OR10A6: variants seen among roughly 807,000 people sequenced by gnomAD.
OR10A6 encodes the protein olfactory receptor family 10 subfamily A member 6 (gene/pseudogene).
A neutral mutation model predicts 1.5 loss-of-function variants in OR10A6; 2 were observed. The ratio of observed to expected loss-of-function variants is 1.31; its 90% CI spans 0.54 to 4.13. The LOEUF (loss-of-function observed/expected upper bound fraction) is 4.13, where lower values mean the gene tolerates loss of function less well. Ranked by LOEUF, OR10A6 falls within the 30% of genes most tolerant of loss-of-function variation. OR10A6 has a pLI of 0.07. For missense variants in OR10A6, 492 were observed against 368.6 expected, an observed-to-expected ratio of 1.33 and a Z score of -2.74; for synonymous variants, 169 against 137.3, an observed-to-expected ratio of 1.23 and a Z score of -1.61.
In OR10A6 at chr11:7,929,912, T is replaced by C. The variant is rs1046427901; in HGVS notation, c.-1250A>G. ...ATTTATATAAATATAAACAGATTAA[T>C]ATTTTATATATATTATATATATATA... On this transcript the variant is annotated 5_prime_UTR_variant, in exon 4 of 4. In the 5' UTR this introduces an upstream ATG that the reference lacks. Transcript: ENST00000641238. 1.5e-5 allele frequency: 2 copies of C among 136,844 alleles called. No homozygotes were observed. The highest frequency in any genetic ancestry group is 1.5e-4 in the Admixed American group (2 of 13,062). 8.5% of individuals were successfully genotyped at this position (136,844 alleles called of 1,614,324 possible). A position where few individuals can be genotyped will look rare whatever the true frequency, so the allele number is the denominator to read the frequency against.
rs879297888 is a variant in OR10A6 at position 7,926,987 on chromosome 11, A to G, written c.*731T>C. 6 of 152,210 alleles carry G rather than the reference A, an allele frequency of 3.9e-5. No homozygotes were observed. Among genetic ancestry groups the G allele is most frequent in the African/African-American group, 9.6e-5 (4 of 41,468 alleles). The allele number at this position is 152,210 out of a possible 1,614,324, so 9.4% of individuals were successfully genotyped here. On this transcript the variant is annotated 3_prime_UTR_variant, in exon 4 of 4. Coordinates refer to ENST00000641238, the MANE Select transcript of OR10A6 (RefSeq NM_001004461.2). ...GACCAAGTTTCAAAAAATATAGTTT[A>G]TAAGTGGAAAGGACAGCCGTACTTT...
rs937880220 is a variant in OR10A6, at chr11:7,931,001, C to A, written c.-1897G>T. On this transcript the variant is annotated 5_prime_UTR_variant, in exon 2 of 4. Transcript: ENST00000641238. ...AAAGCACTTACACTTCTACTTATTG[C>A]CCGAACCTTTCTCTGAAAAGAAAAA... 1.3e-5 allele frequency: 2 copies of A among 152,074 alleles called. No individual in the cohort carries two copies. Among genetic ancestry groups the A allele is most frequent in the African/African-American group, 2.4e-5 (1 of 41,402 alleles). 9.4% of individuals were successfully genotyped at this position (152,074 alleles called of 1,614,324 possible).
chr11:7,928,491 G>A lies in OR10A6; in HGVS notation c.172C>T (p.Pro58Ser), dbSNP rs750978572. ...IVSLDQSLHV[P>S]MYLFLLNLSV... Reference sequence around the variant, plus strand: ...AAGTTCAGGAGAAACAGGTACATGGGAACGTGGAGGCTCTGGTCTAGGGAG... The same window carrying A: ...AAGTTCAGGAGAAACAGGTACATGGAAACGTGGAGGCTCTGGTCTAGGGAG... The change falls in exon 4 of 4, where the codon CCC becomes TCC. Residue 58 changes from proline to serine, a missense_variant. By Grantham distance (74) the Pro-to-Ser change is moderately conservative (BLOSUM62 -1). Transcript: ENST00000641238. 3 of 1,613,902 alleles carry A rather than the reference G, an allele frequency of 1.9e-6. No individual in the cohort carries two copies. The highest frequency in any genetic ancestry group is 1.7e-6 in the Non-Finnish European group (2 of 1,179,900).
rs140436670 is a variant in OR10A6 at position 7,928,090 on chromosome 11, G to A, written c.573C>T (p.Asp191=). The A allele has an allele frequency of 3.7e-6, 6 of 1,613,796 alleles. No homozygotes were observed. In the African/African-American group the frequency reaches 8.0e-5, roughly 22 times the overall value. ...TPAVLELACA[D]TFLFEIYAFT... ...ATGCATAGATTTCAAACAAAAACGT[G>A]TCTGCACATGCAAGTTCTAACACTG... Residue 191 remains aspartate (D), a synonymous_variant, in exon 4 of 4, where the codon GAC becomes GAT. Transcript: ENST00000641238.
rs1859437985 is a variant in OR10A6 at position 7,927,767 on chromosome 11, C to G, written c.896G>C (p.Arg299Thr). 1 of 1,613,844 alleles carries G rather than the reference C, an allele frequency of 6.2e-7. No individual in the cohort carries two copies. Residue 299 changes from arginine to threonine, a missense_variant, in exon 4 of 4, where the codon AGG (arginine) becomes ACG (threonine). Physicochemically the swap from Arg to Thr is moderately conservative, Grantham distance 71. Coordinates refer to ENST00000641238, the MANE Select transcript of OR10A6 (RefSeq NM_001004461.2). ...IYSLRNSEMK[R>T]ALMKLWRRRV... ...CCTTCGCCATAATTTCATCAAAGCC[C>G]TCTTCATCTCACTATTTCGCAAACT...
chr11:7,927,643 ATGAATCTAAATTTATTAAATTTAGAT>A lies in OR10A6; in HGVS notation c.*49_*74del, dbSNP rs2133606009. On this transcript the variant is annotated 3_prime_UTR_variant, in exon 4 of 4. Coordinates refer to ENST00000641238, the MANE Select transcript of OR10A6 (RefSeq NM_001004461.2). Reference sequence around the variant, plus strand: ...ACTCATGCCAAAAAATGCAAACTTAATGAATCTAAATTTATTAAATTTAGATTGAATACAGTCATGCAGTGACTAAA... The same window carrying A: ...ACTCATGCCAAAAAATGCAAACTTAATGAATACAGTCATGCAGTGACTAAA... The A allele has an allele frequency of 9.6e-7, 1 of 1,043,930 alleles. No homozygotes were observed. The highest frequency in any genetic ancestry group is 2.5e-5 in the East Asian group (1 of 39,738). The allele number at this position is 1,043,930 out of a possible 1,614,324, so 64.7% of individuals were successfully genotyped here.
rs1484449939 is a variant in OR10A6 at position 7,928,983 on chromosome 11, C to G, written c.-321G>C. 2 of 238,244 alleles carry G rather than the reference C, an allele frequency of 8.4e-6. No individual in the cohort carries two copies. Among genetic ancestry groups the G allele is most frequent in the East Asian group, 1.7e-4 (2 of 11,810 alleles). 14.8% of individuals were successfully genotyped at this position (238,244 alleles called of 1,614,324 possible). On this transcript the variant is annotated 5_prime_UTR_variant, in exon 4 of 4. An upstream start codon of the reference 5' UTR is lost. Coordinates refer to ENST00000641238, the MANE Select transcript of OR10A6 (RefSeq NM_001004461.2). ...TACTTTATACCTTAGGTTCCAATCC[C>G]ATAACATTGGTGCAAGTGTTCTTTA...
rs1389529918 is a variant in OR10A6, at chr11:7,925,454, A to G, written c.*2264T>C. The G allele has an allele frequency of 6.6e-6, 1 of 152,202 alleles. No homozygotes were observed. 9.4% of individuals were successfully genotyped at this position (152,202 alleles called of 1,614,324 possible). ...GGCTTTATTTATCACAAAGGCAATGAAAGAGGAAAGCGTCAAATATAGTAA... is the reference window on the plus strand; with the variant it reads ...GGCTTTATTTATCACAAAGGCAATGGAAGAGGAAAGCGTCAAATATAGTAA... On this transcript the variant is annotated 3_prime_UTR_variant, in exon 4 of 4. Transcript: ENST00000641238.
chr11:7,924,857 G>T lies in OR10A6; in HGVS notation c.*2861C>A, dbSNP rs1859365287. ...ATGGCTTGTTTCAGGTAGAAGGAAG[G>T]AGGAGGTTGAAGAGCAAAAAGTCCT... is the stretch of plus-strand genomic sequence containing the variant. On this transcript the variant is annotated 3_prime_UTR_variant, in exon 4 of 4. Transcript: ENST00000641238. The T allele has an allele frequency of 6.6e-6, 1 of 152,156 alleles. No individual in the cohort carries two copies. The highest frequency in any genetic ancestry group is 1.5e-5 in the Non-Finnish European group (1 of 68,050). The allele number at this position is 152,156 out of a possible 1,614,324, so 9.4% of individuals were successfully genotyped here. A position where few individuals can be genotyped will look rare whatever the true frequency, so the allele number is the denominator to read the frequency against.
In OR10A6 at chr11:7,925,584, GA is replaced by G. The variant is rs1297574750; in HGVS notation, c.*2133del. The G allele has an allele frequency of 2.6e-5, 4 of 151,820 alleles. No individual in the cohort carries two copies. The highest frequency in any genetic ancestry group is 3.9e-4 in the East Asian group (2 of 5,176). The allele number at this position is 151,820 out of a possible 1,614,324, so 9.4% of individuals were successfully genotyped here. A position where few individuals can be genotyped will look rare whatever the true frequency, so the allele number is the denominator to read the frequency against. On this transcript the variant is annotated 3_prime_UTR_variant, in exon 4 of 4. Coordinates refer to ENST00000641238, the MANE Select transcript of OR10A6 (RefSeq NM_001004461.2). ...CATTTTTATAAAGAATTTTTTTTAA[GA>G]AAAAAATTGGTTTACAGAATCAATG...
At position 7,927,264 on chromosome 11, in the gene OR10A6, A is replaced by T. The variant is rs1303200355; in HGVS notation, c.*454T>A. 6.5e-6 allele frequency: 1 copy of T among 153,562 alleles called. No homozygotes were observed. The highest frequency in any genetic ancestry group is 2.4e-5 in the African/African-American group (1 of 41,478). 9.5% of individuals were successfully genotyped at this position (153,562 alleles called of 1,614,324 possible). On this transcript the variant is annotated 3_prime_UTR_variant, in exon 4 of 4. Coordinates refer to ENST00000641238, the MANE Select transcript of OR10A6 (RefSeq NM_001004461.2). The stretch of plus-strand genomic sequence containing the variant: ...GCATACAACATAGTAGAGGGATAGG[A>T]TGGGTGCTCAGGTCAGTCTGAAGTT...
At position 7,929,345 on chromosome 11, in the gene OR10A6, G is replaced by A. The variant is rs1158969607; in HGVS notation, c.-683C>T. Reference sequence around the variant, plus strand: ...CAATTATATTGGGATTTACCTGGATGTGAAGTTTTTGGGGCCAGATCTCCA... The same window carrying A: ...CAATTATATTGGGATTTACCTGGATATGAAGTTTTTGGGGCCAGATCTCCA... On this transcript the variant is annotated 5_prime_UTR_variant, in exon 4 of 4. Transcript: ENST00000641238. 2.0e-5 allele frequency: 3 copies of A among 152,228 alleles called. No individual in the cohort carries two copies. Among genetic ancestry groups the A allele is most frequent in the Non-Finnish European group, 4.4e-5 (3 of 68,014 alleles). The allele number at this position is 152,228 out of a possible 1,614,324, so 9.4% of individuals were successfully genotyped here.
At position 7,928,156 on chromosome 11, in the gene OR10A6, A is replaced by C. The variant is rs780226036; in HGVS notation, c.507T>G (p.Cys169Trp). 1.2e-6 allele frequency: 2 copies of C among 1,613,962 alleles called. No individual in the cohort carries two copies. Among genetic ancestry groups the C allele is most frequent in the Non-Finnish European group, 1.7e-6 (2 of 1,179,920 alleles). ...QTSWVSSFPF[C>W]GLNEINHISC... ...ATATATGGTTAATTTCATTAAGGCC[A>C]CAAAAGGGAAAACTAGATACCCATG... Residue 169 changes from cysteine to tryptophan, a missense_variant, in exon 4 of 4, where the codon TGT becomes TGG. Transcript: ENST00000641238.
Position 7,929,925 on chromosome 11 carries a change from TTATA to T in OR10A6, c.-1267_-1264del, listed in dbSNP as rs1212262348. On this transcript the variant is annotated 5_prime_UTR_variant, in exon 4 of 4. Coordinates refer to ENST00000641238, the MANE Select transcript of OR10A6 (RefSeq NM_001004461.2). ...TAAACAGATTAATATTTTATATATA[TTATA>T]TATATATAAGCTCTAGTAAGGTATG... 1 of 132,758 alleles carries T rather than the reference TTATA, an allele frequency of 7.5e-6. No individual in the cohort carries two copies. The highest frequency in any genetic ancestry group is 2.8e-5 in the African/African-American group (1 of 35,668). The allele number at this position is 132,758 out of a possible 1,614,324, so 8.2% of individuals were successfully genotyped here.
rs369934458 is a variant in OR10A6, at chr11:7,928,701, G to C, written c.-39C>G. The C allele has an allele frequency of 2.8e-6, 4 of 1,440,362 alleles. No homozygotes were observed. In the African/African-American group the frequency reaches 5.7e-5, roughly 21 times the overall value. The allele number at this position is 1,440,362 out of a possible 1,614,324, so 89.2% of individuals were successfully genotyped here. ...GTCGTGCATTGATTTTATGGACATA[G>C]TATATACAGAATAAAGCCACAGTCC... On this transcript the variant is annotated 5_prime_UTR_variant, in exon 4 of 4. Transcript: ENST00000641238.
At position 7,927,671 on chromosome 11, in the gene OR10A6, G is replaced by T; in HGVS notation, c.*47C>A. The T allele has an allele frequency of 1.6e-6, 2 of 1,232,384 alleles. No individual in the cohort carries two copies. Among genetic ancestry groups the T allele is most frequent in the South Asian group, 1.5e-5 (1 of 68,926 alleles). 76.3% of individuals were successfully genotyped at this position (1,232,384 alleles called of 1,614,324 possible). Reference sequence around the variant, plus strand: ...AATCTAAATTTATTAAATTTAGATTGAATACAGTCATGCAGTGACTAAATC... The same window carrying T: ...AATCTAAATTTATTAAATTTAGATTTAATACAGTCATGCAGTGACTAAATC... On this transcript the variant is annotated 3_prime_UTR_variant, in exon 4 of 4. Transcript: ENST00000641238.
rs111806220 is a variant in OR10A6, at chr11:7,927,797, A to C, written c.866T>G (p.Ile289Ser). ...SLLTPLLNLL[I>S]YSLRNSEMKR... ...CATCTCACTATTTCGCAAACTGTAG[A>C]TAAGCAGATTCAGCAGTGGTGTCAG... The change falls in exon 4 of 4, where the codon ATC becomes AGC. Residue 289 changes from isoleucine to serine, a missense_variant. Transcript: ENST00000641238. 1 of 1,613,868 alleles carries C rather than the reference A, an allele frequency of 6.2e-7. No homozygotes were observed. The highest frequency in any genetic ancestry group is 1.3e-5 in the African/African-American group (1 of 74,912).
rs1257385723 is a variant in OR10A6, at chr11:7,930,004, A to G, written c.-1342T>C. The G allele has an allele frequency of 8.2e-6, 1 of 121,676 alleles. No homozygotes were observed. Among genetic ancestry groups the G allele is most frequent in the South Asian group, 2.7e-4 (1 of 3,670 alleles). The allele number at this position is 121,676 out of a possible 1,614,324, so 7.5% of individuals were successfully genotyped here. ...TATATATATATATATAAAATCCCTCACTAGAGCTTAGCTCCCAGAGGGCAA... is the reference window on the plus strand; with the variant it reads ...TATATATATATATATAAAATCCCTCGCTAGAGCTTAGCTCCCAGAGGGCAA... On this transcript the variant is annotated 5_prime_UTR_variant, in exon 4 of 4. Coordinates refer to ENST00000641238, the MANE Select transcript of OR10A6 (RefSeq NM_001004461.2).
chr11:7,928,723 G>T lies in OR10A6; in HGVS notation c.-61C>A, dbSNP rs1166158228. 2 of 1,234,356 alleles carry T rather than the reference G, an allele frequency of 1.6e-6. No individual in the cohort carries two copies. The highest frequency in any genetic ancestry group is 2.5e-5 in the East Asian group (1 of 40,330). 76.5% of individuals were successfully genotyped at this position (1,234,356 alleles called of 1,614,324 possible). ...ATAGTATATACAGAATAAAGCCACA[G>T]TCCATTAGCTAAGAGTTCCAGTCTG... On this transcript the variant is annotated 5_prime_UTR_variant, in exon 4 of 4. In the 5' UTR this introduces an upstream ATG that the reference lacks. Coordinates refer to ENST00000641238, the MANE Select transcript of OR10A6 (RefSeq NM_001004461.2).
Sources: gnomAD v4.1 joint callset for allele counts on GRCh38, gnomAD v4.1.1 for gene constraint, MANE v1.5 for transcripts, NCBI Gene and HGNC (gene_info 2026-07-23, HGNC 2026-07-21) for gene names.